Variants in UBXN1 observed in about 807,000 individuals in gnomAD.
The protein encoded by UBXN1 is UBX domain-containing protein 1.
In UBXN1, 21 loss-of-function variants were observed where a neutral mutation model predicts 42.0. The observed-to-expected ratio is 0.50, with a 90% confidence interval of 0.35 to 0.72. The LOEUF is 0.72. Among genes scored for constraint, UBXN1 ranks in the 30% least tolerant of loss-of-function variants. The pLI is 0.00. For synonymous variants in UBXN1, 172 were observed against 142.6 expected (o/e 1.21, Z -1.47); for missense variants, 374 against 382.2 (o/e 0.98, Z 0.18).
At chr11:62,678,181 A>C in intron 4 of UBXN1, 63 bp from the exon 5 acceptor site, 1 of 1,604,188 alleles carries the variant, frequency 6.2e-7, no homozygotes, top group Non-Finnish European at 8.5e-7. Context: ...TAAAGTTTAC[A>C]ATAAACAAAA....
At chr11:62,677,449 G>A in intron 7 of UBXN1, 69 bp downstream of exon 7, 3 of 1,504,120 alleles carry the variant, frequency 2.0e-6, no homozygotes, top group Non-Finnish European at 2.8e-6. Flanking sequence ...ACTGAAAAAA[G>A]CTCTGAGCTG....
At chr11:62,678,208 C>A in intron 4 of UBXN1, 90 bp from the exon 5 acceptor site, 1 of 1,604,528 alleles carries the variant, frequency 6.2e-7, no homozygotes, top group Non-Finnish European at 8.5e-7. Context: ...GACATATATC[C>A]CAAAGTAGAT....
Position 62,678,220 on chromosome 11 carries a change from A to G in UBXN1, c.291-102T>C, listed in dbSNP as rs978499194. ...GGCGACATATATCCCAAAGTAGATT[A>G]AAGGAAAAGAAAATGCCAAGAAAGA... On this transcript the variant is annotated intron_variant, in intron 4 of 8. Transcript: ENST00000301935. 7.5e-6 allele frequency: 12 copies of G among 1,604,268 alleles called. No individual in the cohort carries two copies. The African/African-American group carries it at 1.5e-4, about 20-fold the overall frequency.
In UBXN1 at chr11:62,678,598, C is replaced by A; in HGVS notation, c.117G>T (p.Leu39=). 1 of 1,612,062 alleles carries A rather than the reference C, an allele frequency of 6.2e-7. No individual in the cohort carries two copies. The highest frequency in any genetic ancestry group is 1.1e-5 in the South Asian group (1 of 90,852). The change falls in exon 3 of 9, where the codon CTG becomes CTT. Residue 39 remains leucine (L), a synonymous_variant. Coordinates refer to ENST00000301935, the MANE Select transcript of UBXN1 (RefSeq NM_001286077.2). ...NQGIEAAMDW[L]MEHEDDPDVD... ...CATCGGGGTCGTCTTCGTGCTCCAT[C>A]AGCCTGGCAGGGAAAGTGGGCGGGG...
chr11:62,676,666 A>G (rs762941844), intron 8 of UBXN1, 27 bp from the exon 9 acceptor site: 11 of 1,614,178 alleles, frequency 6.8e-6, no homozygotes, highest in South Asian at 2.2e-5. Context: ...ACAGGCTTGA[A>G]CCACAAGGAT....
rs575585285 is a variant in UBXN1, at chr11:62,678,392, G to A, written c.237C>T (p.Ala79=). The A allele has an allele frequency of 2.5e-6, 4 of 1,614,058 alleles. No homozygotes were observed. Among genetic ancestry groups the A allele is most frequent in the East Asian group, 2.2e-5 (1 of 44,886 alleles). Residue 79 remains alanine (A), a synonymous_variant, in exon 4 of 9, where the codon GCC becomes GCT. Coordinates refer to ENST00000301935, the MANE Select transcript of UBXN1 (RefSeq NM_001286077.2). ...QGGLEGSGSA[A]GEGKPALSEE... ...CACTCAAAGCGGGTTTGCCTTCTCC[G>A]GCAGCAGAACCAGATCCTACAAACA... is the stretch of plus-strand genomic sequence containing the variant.
rs202185109 is a variant in UBXN1 at position 62,677,851 on chromosome 11, G to A, written c.483-19C>T. 6 of 1,614,180 alleles carry A rather than the reference G, an allele frequency of 3.7e-6. No homozygotes were observed. Among genetic ancestry groups the A allele is most frequent in the Non-Finnish European group, 5.1e-6 (6 of 1,180,040 alleles). On this transcript the variant is annotated intron_variant, in intron 5 of 8. Coordinates refer to ENST00000301935, the MANE Select transcript of UBXN1 (RefSeq NM_001286077.2). Reference sequence around the variant, plus strand: ...TCTTTGTCTGAAATGTAGACAAGAAGAAATTAGGTCAGACATCAACAAAGC... The same window carrying A: ...TCTTTGTCTGAAATGTAGACAAGAAAAAATTAGGTCAGACATCAACAAAGC...
At chr11:62,677,743 C>T (rs1202062425) in intron 6 of UBXN1, 38 bp downstream of exon 6, 1 of 1,613,910 alleles carries the variant, frequency 6.2e-7, no homozygotes, top group Non-Finnish European at 8.5e-7. Flanking sequence ...TACTAACCTG[C>T]CCACTCCATT....
Position 62,677,890 on chromosome 11 carries a change from T to C in UBXN1, c.482+37A>G, listed in dbSNP as rs779382552. ...CATCAACAAAGCAAATCTTGATTTCTTTCTCATCTGCTATCCATCATTTCC... is the reference window on the plus strand; with the variant it reads ...CATCAACAAAGCAAATCTTGATTTCCTTCTCATCTGCTATCCATCATTTCC... On this transcript the variant is annotated intron_variant, in intron 5 of 8. Transcript: ENST00000301935. 1.1e-5 allele frequency: 18 copies of C among 1,614,070 alleles called. No homozygotes were observed. The African/African-American group carries it at 2.0e-4, about 18-fold the overall frequency.
At position 62,679,056 on chromosome 11, in the gene UBXN1, G is replaced by C. The variant is rs1254126266; in HGVS notation, c.-133C>G. On this transcript the variant is annotated 5_prime_UTR_variant, in exon 1 of 9. Transcript: ENST00000301935. ...TCTCTCACCCGGCTCTATAGCAGCC[G>C]GGAACACCGACGAGAAGAAAGCCGA... 1.0e-6 allele frequency: 1 copy of C among 971,770 alleles called. No individual in the cohort carries two copies. Among genetic ancestry groups the C allele is most frequent in the South Asian group, 1.6e-5 (1 of 60,796 alleles). 60.2% of individuals were successfully genotyped at this position (971,770 alleles called of 1,614,324 possible). A position where few individuals can be genotyped will look rare whatever the true frequency, so the allele number is the denominator to read the frequency against.
At chr11:62,677,128 A>G in intron 7 of UBXN1, 123 bp from the exon 8 acceptor site, 1 of 1,168,766 alleles carries the variant, frequency 8.6e-7, no homozygotes, top group Non-Finnish European at 1.2e-6. Flanking sequence ...CTACTATTTA[A>G]AGCACCAAAT....
chr11:62,678,107 A>C lies in UBXN1; in HGVS notation c.302T>G (p.Leu101Arg). The change falls in exon 5 of 9, where the codon CTG (leucine) becomes CGG (arginine). Residue 101 changes from leucine to arginine, a missense_variant. Coordinates refer to ENST00000301935, the MANE Select transcript of UBXN1 (RefSeq NM_001286077.2). ...ACGCTCCCGCTGCTTCTGGGCCACC[A>C]GCTCCAACATCCTGTGTTGCCGAGG... ...RQEQTKRMLE[L>R]VAQKQREREE... The C allele has an allele frequency of 6.2e-7, 1 of 1,614,120 alleles. No individual in the cohort carries two copies. Among genetic ancestry groups the C allele is most frequent in the Non-Finnish European group, 8.5e-7 (1 of 1,180,000 alleles).
At position 62,679,013 on chromosome 11, in the gene UBXN1, C is replaced by T; in HGVS notation, c.-90G>A. ...GCGCGAGGCAACCCGCCCTCGACACCCGCCGACGGGCGCTCGCTCTCTCAC... is the reference window on the plus strand; with the variant it reads ...GCGCGAGGCAACCCGCCCTCGACACTCGCCGACGGGCGCTCGCTCTCTCAC... On this transcript the variant is annotated 5_prime_UTR_variant, in exon 1 of 9. Transcript: ENST00000301935. The T allele has an allele frequency of 7.1e-7, 1 of 1,414,960 alleles. No individual in the cohort carries two copies. Among genetic ancestry groups the T allele is most frequent in the Non-Finnish European group, 9.5e-7 (1 of 1,051,716 alleles). 87.7% of individuals were successfully genotyped at this position (1,414,960 alleles called of 1,614,324 possible).
At position 62,679,060 on chromosome 11, in the gene UBXN1, AC is replaced by A; in HGVS notation, c.-138del. The A allele has an allele frequency of 3.2e-6, 3 of 938,546 alleles. No homozygotes were observed. Among genetic ancestry groups the A allele is most frequent in the Non-Finnish European group, 4.7e-6 (3 of 640,794 alleles). The allele number at this position is 938,546 out of a possible 1,614,324, so 58.1% of individuals were successfully genotyped here. A position where few individuals can be genotyped will look rare whatever the true frequency, so the allele number is the denominator to read the frequency against. ...TCACCCGGCTCTATAGCAGCCGGGAACACCGACGAGAAGAAAGCCGAGGGGA... is the reference window on the plus strand; with the variant it reads ...TCACCCGGCTCTATAGCAGCCGGGAAACCGACGAGAAGAAAGCCGAGGGGA... On this transcript the variant is annotated 5_prime_UTR_variant, in exon 1 of 9. Coordinates refer to ENST00000301935, the MANE Select transcript of UBXN1 (RefSeq NM_001286077.2).
Position 62,678,378 on chromosome 11 carries a change from G to A in UBXN1, c.251C>T (p.Pro84Leu), listed in dbSNP as rs1438121137. ...GSGSAAGEGK[P>L]ALSEEERQEQ... Reference sequence around the variant, plus strand: ...CTGTCTTTCCTCTTCACTCAAAGCGGGTTTGCCTTCTCCGGCAGCAGAACC... The same window carrying A: ...CTGTCTTTCCTCTTCACTCAAAGCGAGTTTGCCTTCTCCGGCAGCAGAACC... Residue 84 changes from proline to leucine, a missense_variant, in exon 4 of 9, where the codon CCC (proline) becomes CTC (leucine). By Grantham distance (98) the Pro-to-Leu change is moderately conservative. Transcript: ENST00000301935. 1 of 1,614,042 alleles carries A rather than the reference G, an allele frequency of 6.2e-7. No individual in the cohort carries two copies. The highest frequency in any genetic ancestry group is 1.1e-5 in the South Asian group (1 of 91,080).
Position 62,676,592 on chromosome 11 carries a change from A to G in UBXN1, c.892T>C (p.Ter298ArgextTer18). Residue 298 changes from the stop codon to arginine, a stop_lost, in exon 9 of 9, where the codon TGA becomes CGA. Coordinates refer to ENST00000301935, the MANE Select transcript of UBXN1 (RefSeq NM_001286077.2). Reference protein sequence around the residue: ...VLIVAKKCPS* With the variant: ...VLIVAKKCPSR ...GAGGGACAATGGGACAAAGGCCCTC[A>G]GCTGGGACATTTCTTGGCCACAATG... 1 of 1,604,618 alleles carries G rather than the reference A, an allele frequency of 6.2e-7. No individual in the cohort carries two copies. Among genetic ancestry groups the G allele is most frequent in the Non-Finnish European group, 8.5e-7 (1 of 1,176,846 alleles).
At position 62,678,729 on chromosome 11, in the gene UBXN1, G is replaced by A. The variant is rs779516691; in HGVS notation, c.74C>T (p.Ala25Val). The change falls in exon 2 of 9, where the codon GCC (alanine) becomes GTC (valine). Residue 25 changes from alanine (A) to valine (V), a missense_variant. Transcript: ENST00000301935. ...FPRGRAEKAL[A>V]LTGNQGIEAA... is the part of the protein sequence containing the mutation. ...CTCGATGCCCTGGTTCCCTGTGAGG[G>A]CCAGAGCCTTCTCCCTGGGGGCAGA... 6.8e-6 allele frequency: 11 copies of A among 1,613,114 alleles called. No homozygotes were observed. In the South Asian group the frequency reaches 7.7e-5, roughly 11 times the overall value.
chr11:62,676,832 C>G lies in UBXN1; in HGVS notation c.825G>C (p.Glu275Asp). 2.5e-6 allele frequency: 4 copies of G among 1,614,192 alleles called. No homozygotes were observed. The highest frequency in any genetic ancestry group is 3.4e-6 in the Non-Finnish European group (4 of 1,180,040). ...PRRAFSEADM[E>D]RPLQELGLVP... ...CCATACCCAGCTCCTGCAGAGGCCG[C>G]TCCATGTCAGCTTCTGAGAAGGCCC... is the stretch of plus-strand genomic sequence containing the variant. Residue 275 changes from glutamate to aspartate, a missense_variant, in exon 8 of 9, where the codon GAG (glutamate) becomes GAC (aspartate). By Grantham distance (45) the Glu-to-Asp change is conservative. Coordinates refer to ENST00000301935, the MANE Select transcript of UBXN1 (RefSeq NM_001286077.2).
Position 62,677,537 on chromosome 11 carries a change from T to C in UBXN1, c.632A>G (p.Tyr211Cys). 1.2e-6 allele frequency: 2 copies of C among 1,614,188 alleles called. No individual in the cohort carries two copies. Among genetic ancestry groups the C allele is most frequent in the Non-Finnish European group, 1.7e-6 (2 of 1,180,030 alleles). ...CAGTACCTGTATGCGACACTGGTCA[T>C]ACTCCCGCTTGGTGGGAGGCTCCTG... ...PSQEPPTKRE[Y>C]DQCRIQVRLP... The change falls in exon 7 of 9, where the codon TAT becomes TGT. Residue 211 changes from tyrosine to cysteine, a missense_variant. Transcript: ENST00000301935.
Sources: allele counts gnomAD v4.1 joint callset, GRCh38; gene constraint gnomAD v4.1.1; transcripts MANE v1.5; gene names NCBI Gene and HGNC (gene_info 2026-07-23, HGNC 2026-07-21).